Variants in VRTN observed in about 807,000 individuals in gnomAD.
The protein encoded by VRTN is vertebrae development associated.
A neutral mutation model predicts 18.2 loss-of-function variants in VRTN; 5 were observed. The ratio of observed to expected loss-of-function variants is 0.27; its 90% confidence interval spans 0.14 to 0.58. VRTN has a LOEUF of 0.58. Among genes scored for constraint, VRTN ranks in the 20% least tolerant of loss-of-function variants. The pLI, the probability that VRTN is intolerant of heterozygous loss-of-function variation, is 0.91. For synonymous variants in VRTN, 381 were observed against 393.7 expected, an observed-to-expected ratio of 0.97 and a Z score of 0.38; for missense variants, 741 against 939.4, an observed-to-expected ratio of 0.79 and a Z score of 2.76.
chr14:74,312,855 G>C (rs2085397401), intron 1 of VRTN, among the ~76,000 whole-genome samples: 1 of 145,558 alleles, frequency 6.9e-6, no homozygotes, highest in Non-Finnish European at 1.5e-5. Flanking sequence ...TTATTCTCCT[G>C]TCTCAGCCTC....
At chr14:74,333,042 G>T (rs2085538943) in intron 1 of VRTN, among the ~76,000 whole-genome samples, 1 of 152,122 alleles carries the variant, frequency 6.6e-6, no homozygotes, top group African/African-American at 2.4e-5. Flanking sequence ...CACATTCTTT[G>T]TCTTTGTATT....
upstream of VRTN, among the ~76,000 whole-genome samples, chr14:74,346,301 AAAAAG>A (rs542680436): frequency 3.3e-5 from 5 of 152,312 alleles, no homozygotes; most frequent in African/African-American, 4.8e-5. Context: ...CCTGTGTCAA[AAAAAG>A]AAAAGAAAAG....
At chr14:74,330,406 C>T (rs1567041358) in intron 1 of VRTN, among the ~76,000 whole-genome samples, 2 of 151,426 alleles carry the variant, frequency 1.3e-5, no homozygotes, top group South Asian at 2.1e-4. Flanking sequence ...TGTAAGCACT[C>T]AGTTAGTTGA....
intron 1 of VRTN, among the ~76,000 whole-genome samples, chr14:74,349,684 A>T (rs1200268901): frequency 6.6e-6 from 1 of 152,158 alleles, no homozygotes. Context: ...CACTCTTAAG[A>T]CGCAGGGGAC....
chr14:74,305,659 T>A (rs534859544), intron 1 of VRTN: 2 of 157,592 alleles, frequency 1.3e-5, no homozygotes, highest in South Asian at 3.7e-4. Context: ...TTTGGGATTT[T>A]TTTTTAGACT....
intron 1 of VRTN, among the ~76,000 whole-genome samples, chr14:74,314,323 A>AAATTGTGT (rs1262743672): frequency 6.6e-6 from 1 of 151,932 alleles, no homozygotes; most frequent in African/African-American, 2.4e-5. Flanking sequence ...TATCTAATCA[A>AAATTGTGT]AATTGTGTAA....
intron 1 of VRTN, among the ~76,000 whole-genome samples, chr14:74,327,270 G>A (rs1266944645): frequency 1.3e-5 from 2 of 152,144 alleles, no homozygotes; most frequent in African/African-American, 4.8e-5. Context: ...CGGTCCGCTG[G>A]TCCACAGTAG....
intron 1 of VRTN, among the ~76,000 whole-genome samples, chr14:74,308,607 C>T (rs192131063): frequency 6.3e-4 from 95 of 151,670 alleles, no homozygotes; most frequent in Middle Eastern, 3.4e-3. Flanking sequence ...CTCTGCCTCC[C>T]GGGTTCAAGC....
chr14:74,350,281 C>A (rs1039160479), intron 1 of VRTN, among the ~76,000 whole-genome samples: 7 of 152,032 alleles, frequency 4.6e-5, no homozygotes, highest in Non-Finnish European at 1.0e-4. Flanking sequence ...TTTGAGGAAG[C>A]CAGAAGTGGG....
chr14:74,326,842 C>T (rs180698159), intron 1 of VRTN, among the ~76,000 whole-genome samples: 39 of 152,274 alleles, frequency 2.6e-4, no homozygotes, highest in African/African-American at 8.4e-4. Flanking sequence ...CGCTCCTCCT[C>T]GTTCCCTGGA....
intron 1 of VRTN, among the ~76,000 whole-genome samples, chr14:74,313,349 C>T (rs553230062): frequency 1.3e-5 from 2 of 152,172 alleles, no homozygotes; most frequent in African/African-American, 4.8e-5. Context: ...CATCTAATGG[C>T]CATCCTAAGA....
chr14:74,330,500 G>A (rs934661656), intron 1 of VRTN, among the ~76,000 whole-genome samples: 13 of 147,278 alleles, frequency 8.8e-5, no homozygotes, highest in African/African-American at 3.3e-4. Flanking sequence ...GGAGTGCAAT[G>A]GTGCGATCTT....
intron 1 of VRTN, among the ~76,000 whole-genome samples, chr14:74,336,268 A>G (rs766736623): frequency 2.8e-4 from 43 of 151,966 alleles, no homozygotes; most frequent in Non-Finnish European, 6.0e-4. Flanking sequence ...TTAGCTGGGC[A>G]TGGTGCTGCA....
At chr14:74,304,579 A>G (rs2085301264) in intron 1 of VRTN, among the ~76,000 whole-genome samples, 1 of 152,094 alleles carries the variant, frequency 6.6e-6, no homozygotes, top group Non-Finnish European at 1.5e-5. Flanking sequence ...GCAATGTAGG[A>G]TGTTTAGCTG....
chr14:74,311,583 T>C (rs137977642), intron 1 of VRTN, among the ~76,000 whole-genome samples: 160 of 152,228 alleles, frequency 1.1e-3, no homozygotes, highest in Non-Finnish European at 1.9e-3. Context: ...CTAATTTTTG[T>C]ATTTTTAGTA....
chr14:74,344,820 A>G (rs150923842), upstream of VRTN, among the ~76,000 whole-genome samples: 258 of 151,870 alleles, frequency 1.7e-3, 2 homozygotes, highest in African/African-American at 5.9e-3. Flanking sequence ...GGCTCTGGAT[A>G]AAAAAATGAA....
At chr14:74,349,398 C>A (rs1030528322) in intron 1 of VRTN, among the ~76,000 whole-genome samples, 2 of 152,092 alleles carry the variant, frequency 1.3e-5, no homozygotes, top group African/African-American at 4.8e-5. Flanking sequence ...CAGAGAGGCA[C>A]GGCGCAAGGC....
intron 1 of VRTN, among the ~76,000 whole-genome samples, chr14:74,304,186 C>T (rs1315811430): frequency 6.6e-6 from 1 of 150,494 alleles, no homozygotes; most frequent in Non-Finnish European, 1.5e-5. Context: ...GACGGAGTTT[C>T]GCTCTTGTGG....
At position 74,340,907 on chromosome 14, in the gene VRTN, C is replaced by A. The variant is rs2085601165; in HGVS notation, c.-2+3023C>A. On this transcript the variant is annotated intron_variant, in intron 2 of 2. Transcript: ENST00000557177. ...CTGGAGTACGCGCAGCCACTCCCGGCTAATTTTTGTGTTTTTAGTAGAGAC... is the reference window on the plus strand; with the variant it reads ...CTGGAGTACGCGCAGCCACTCCCGGATAATTTTTGTGTTTTTAGTAGAGAC... Among the ~76,000 whole-genome samples, 2 of 151,946 alleles carry A rather than the reference C, an allele frequency of 1.3e-5. 1 individual carries two copies. Among genetic ancestry groups the A allele is most frequent in the Admixed American group, 1.3e-4 (2 of 15,252 alleles).
Sources: gnomAD v4.1 joint callset for allele counts (sites outside exome capture counted in the v4.1 genomes callset) on GRCh38, gnomAD v4.1.1 for gene constraint, MANE v1.5 for transcripts, NCBI Gene and HGNC (gene_info 2026-07-23, HGNC 2026-07-21) for gene names.